CNTNAP2: variants seen among roughly 807,000 people sequenced by gnomAD.
CNTNAP2 encodes the protein contactin associated protein 2.
In CNTNAP2, 98 loss-of-function variants were observed where a neutral mutation model predicts 155.2. The ratio of observed to expected loss-of-function variants is 0.63; its 90% CI spans 0.54 to 0.75. CNTNAP2 has a LOEUF of 0.75. CNTNAP2 is among the 30% of genes least tolerant of loss of function. The probability of loss-of-function intolerance (pLI) is 0.00; values close to 1 mark genes in which losing one functional copy is unlikely to be tolerated. For missense variants in CNTNAP2, 1,727 were observed against 1,688.1 expected (o/e 1.02, Z -0.40); for synonymous variants, 651 against 631.2 (o/e 1.03, Z -0.47).
intron 1 of CNTNAP2, among the ~76,000 whole-genome samples, chr7:146,210,737 A>G (rs1799020924): frequency 6.6e-6 from 1 of 152,140 alleles, no homozygotes; most frequent in African/African-American, 2.4e-5. Context: ...GACTGACGGA[A>G]TTCTAATATT....
At chr7:147,954,093 G>A (rs1485039813) in intron 14 of CNTNAP2, among the ~76,000 whole-genome samples, 3 of 152,108 alleles carry the variant, frequency 2.0e-5, no homozygotes, top group Non-Finnish European at 4.4e-5. Context: ...GAGATGAGCA[G>A]GAAGACATGA....
At chr7:146,786,936 A>T (rs1802583826) in intron 2 of CNTNAP2, 1 of 152,240 alleles carries the variant, frequency 6.6e-6, no homozygotes, top group Admixed American at 6.5e-5. Flanking sequence ...CTCACCAGAC[A>T]TCCACAACCG....
intron 12 of CNTNAP2, among the ~76,000 whole-genome samples, chr7:147,571,270 C>T (rs1297332639): frequency 1.9e-4 from 20 of 104,654 alleles, no homozygotes; most frequent in Admixed American, 3.9e-4. Flanking sequence ...TCCCTCCCCC[C>T]TCCCCCCACC....
At chr7:147,570,436 G>A (rs6980002) in intron 12 of CNTNAP2, among the ~76,000 whole-genome samples, 73,873 of 151,952 alleles carry the variant, frequency 0.49, 18,130 homozygotes, top group East Asian at 0.61. Flanking sequence ...TACTGTTAAT[G>A]CTCTTATAAT....
intron 13 of CNTNAP2, among the ~76,000 whole-genome samples, chr7:147,641,861 T>C (rs774046880): frequency 1.3e-5 from 2 of 152,096 alleles, no homozygotes; most frequent in East Asian, 3.9e-4. Context: ...TTGAAGCCAC[T>C]CAATCTATGG....
chr7:148,332,300 T>A (rs12673806), intron 21 of CNTNAP2, among the ~76,000 whole-genome samples: 1 of 152,122 alleles, frequency 6.6e-6, no homozygotes, highest in Admixed American at 6.5e-5. Flanking sequence ...CTTTATTTGC[T>A]TATGACATGA....
At chr7:148,156,532 G>A (rs1175403296) in intron 17 of CNTNAP2, among the ~76,000 whole-genome samples, 2 of 152,128 alleles carry the variant, frequency 1.3e-5, no homozygotes, top group East Asian at 3.9e-4. Context: ...CTTCTCATCC[G>A]AATATTGTCT....
At chr7:147,851,366 A>T (rs1414718905) in intron 13 of CNTNAP2, among the ~76,000 whole-genome samples, 2 of 152,226 alleles carry the variant, frequency 1.3e-5, no homozygotes, top group African/African-American at 2.4e-5. Flanking sequence ...CAGTGTGGTG[A>T]TTCCTCAGGG....
intron 8 of CNTNAP2, among the ~76,000 whole-genome samples, chr7:147,146,917 C>G (rs564290125): frequency 9.8e-5 from 15 of 152,308 alleles, no homozygotes; most frequent in South Asian, 6.2e-4. Context: ...AAGAGTACTT[C>G]TGCTGGGATC....
chr7:146,886,340 A>G (rs2129210506), intron 3 of CNTNAP2, among the ~76,000 whole-genome samples: 1 of 151,898 alleles, frequency 6.6e-6, no homozygotes, highest in Admixed American at 6.6e-5. Context: ...CAAAGCTGCC[A>G]AAATTTGCCC....
chr7:148,142,082 G>A (rs1235232499), intron 16 of CNTNAP2, among the ~76,000 whole-genome samples: 1 of 139,630 alleles, frequency 7.2e-6, no homozygotes, highest in African/African-American at 2.8e-5. Context: ...GTTAAGAGTA[G>A]AGATATGTCT....
At chr7:148,191,363 C>T (rs1370376942) in intron 18 of CNTNAP2, among the ~76,000 whole-genome samples, 1 of 152,188 alleles carries the variant, frequency 6.6e-6, no homozygotes, top group African/African-American at 2.4e-5. Flanking sequence ...AAGGCTCTCA[C>T]AAGATGCCAT....
At chr7:147,819,534 AT>A (rs1357632823) in intron 13 of CNTNAP2, among the ~76,000 whole-genome samples, 1 of 152,192 alleles carries the variant, frequency 6.6e-6, no homozygotes, top group African/African-American at 2.4e-5. Flanking sequence ...TATTTTAATT[AT>A]AGTGTTTTTA....
At chr7:148,233,975 C>T (rs551984201) in intron 20 of CNTNAP2, among the ~76,000 whole-genome samples, 5 of 152,248 alleles carry the variant, frequency 3.3e-5, no homozygotes, top group African/African-American at 1.2e-4. Context: ...GTAAGACATG[C>T]CTGCTACCCC....
At chr7:147,225,344 T>C (rs1053670946) in intron 8 of CNTNAP2, among the ~76,000 whole-genome samples, 3 of 152,198 alleles carry the variant, frequency 2.0e-5, no homozygotes, top group Non-Finnish European at 4.4e-5. Flanking sequence ...TATAACCTGA[T>C]TAATTATTTT....
chr7:147,314,460 G>T (rs1396145953), intron 9 of CNTNAP2, among the ~76,000 whole-genome samples: 1 of 142,660 alleles, frequency 7.0e-6, no homozygotes, highest in Non-Finnish European at 1.6e-5. Flanking sequence ...TTCCTCTGTA[G>T]AACTTAATCT....
chr7:147,808,801 A>G (rs1404733), intron 13 of CNTNAP2, among the ~76,000 whole-genome samples: 13,492 of 152,268 alleles, frequency 0.089, 661 homozygotes, highest in South Asian at 0.2. Context: ...TTCTCTTTCT[A>G]AAATTTGTAG....
At chr7:146,917,928 A>G (rs1307084673) in intron 3 of CNTNAP2, among the ~76,000 whole-genome samples, 1 of 152,208 alleles carries the variant, frequency 6.6e-6, no homozygotes, top group African/African-American at 2.4e-5. Flanking sequence ...TCAGCAGTGT[A>G]AAAATGAACT....
At chr7:148,089,417 T>A (rs1360478496) in intron 15 of CNTNAP2, among the ~76,000 whole-genome samples, 1 of 151,742 alleles carries the variant, frequency 6.6e-6, no homozygotes, top group East Asian at 1.9e-4. Flanking sequence ...AAAGACTCCA[T>A]GAAAAAACTG....
Sources: gnomAD v4.1 joint callset for allele counts (sites outside exome capture counted in the v4.1 genomes callset) on GRCh38, gnomAD v4.1.1 for gene constraint, MANE v1.5 for transcripts, NCBI Gene and HGNC (gene_info 2026-07-23, HGNC 2026-07-21) for gene names.